LYPD6: variants seen among roughly 807,000 people sequenced by gnomAD.
LYPD6 encodes LY6/PLAUR domain containing 6, also known as ly6/PLAUR domain-containing protein 6.
Under a neutral mutation model 22.7 loss-of-function variants are expected in LYPD6, and 15 were observed. The observed-to-expected ratio is 0.66, with a 90% CI of 0.44 to 1.02. The LOEUF (loss-of-function observed/expected upper bound fraction) is 1.02. Among genes scored for constraint, LYPD6 ranks in the 50% least tolerant of loss-of-function variants. The pLI is 0.00. For missense variants in LYPD6, 189 were observed against 208.4 expected, an observed-to-expected ratio of 0.91 and a Z score of 0.57; for synonymous variants, 72 against 77.5, an observed-to-expected ratio of 0.93 and a Z score of 0.37.
intron 1 of LYPD6, among the ~76,000 whole-genome samples, chr2:149,398,505 TCC>T (rs1682477846): frequency 6.6e-6 from 1 of 151,928 alleles, no homozygotes; most frequent in South Asian, 2.1e-4. Flanking sequence ...CTGAAAGTGT[TCC>T]CAGCAGATTT....
chr2:149,420,979 G>A (rs573372905), intron 1 of LYPD6, among the ~76,000 whole-genome samples: 2 of 152,286 alleles, frequency 1.3e-5, no homozygotes, highest in East Asian at 1.9e-4. Context: ...TGTCAAGGTC[G>A]CATCCCATAG....
chr2:149,469,312 C>T (rs1681279117), intron 4 of LYPD6, among the ~76,000 whole-genome samples: 3 of 152,174 alleles, frequency 2.0e-5, no homozygotes, highest in Admixed American at 2.0e-4. Flanking sequence ...TATACGGAAA[C>T]ACATGGTGCC....
chr2:149,338,612 C>G (rs2105046623), intron 1 of LYPD6, among the ~76,000 whole-genome samples: 1 of 152,264 alleles, frequency 6.6e-6, no homozygotes, highest in South Asian at 2.1e-4. Context: ...AGAGAATGAG[C>G]CCTCACCAGA....
chr2:149,347,683 G>A (rs1681282670), intron 1 of LYPD6, among the ~76,000 whole-genome samples: 1 of 152,132 alleles, frequency 6.6e-6, no homozygotes, highest in East Asian at 1.9e-4. Flanking sequence ...CAGCACTTAA[G>A]AAACTATCTC....
intron 1 of LYPD6, among the ~76,000 whole-genome samples, 157 bp from the exon 2 acceptor site, chr2:149,437,481 T>C (rs1481115175): frequency 1.3e-5 from 2 of 152,172 alleles, no homozygotes; most frequent in Admixed American, 1.3e-4. Flanking sequence ...ATGTTCTCAG[T>C]GCTCTAAAAT....
chr2:149,361,065 G>A (rs998849932), intron 1 of LYPD6, among the ~76,000 whole-genome samples: 1 of 152,182 alleles, frequency 6.6e-6, no homozygotes, highest in Admixed American at 6.5e-5. Flanking sequence ...AGAAAAACAA[G>A]TTTATTAACA....
intron 2 of LYPD6, among the ~76,000 whole-genome samples, chr2:149,447,759 A>C (rs1683719973): frequency 6.6e-6 from 1 of 152,244 alleles, no homozygotes; most frequent in Non-Finnish European, 1.5e-5. Flanking sequence ...AGTTGACATG[A>C]GTAAGTTATT....
intron 1 of LYPD6, among the ~76,000 whole-genome samples, chr2:149,434,048 A>G (rs1683379181): frequency 6.6e-6 from 1 of 152,140 alleles, no homozygotes; most frequent in African/African-American, 2.4e-5. Flanking sequence ...TACATGTGCC[A>G]TGGTGGTTTG....
At chr2:149,462,559 A>G (rs1681110318) in intron 3 of LYPD6, among the ~76,000 whole-genome samples, 1 of 151,890 alleles carries the variant, frequency 6.6e-6, no homozygotes, top group African/African-American at 2.4e-5. Context: ...GATATAGACA[A>G]AAGTGTTCTA....
At chr2:149,435,073 C>T (rs1211942145) in intron 1 of LYPD6, among the ~76,000 whole-genome samples, 2 of 152,132 alleles carry the variant, frequency 1.3e-5, no homozygotes, top group African/African-American at 4.8e-5. Flanking sequence ...AAGCTGAGAC[C>T]CTAATCCAAT....
At chr2:149,378,529 TAAC>T (rs1681984641) in intron 1 of LYPD6, among the ~76,000 whole-genome samples, 3 of 152,244 alleles carry the variant, frequency 2.0e-5, no homozygotes, top group South Asian at 2.1e-4. Context: ...ATTAATTTAT[TAAC>T]AAATATTTTT....
Position 149,470,218 on chromosome 2 carries a change from T to C in LYPD6, c.349-465T>C, listed in dbSNP as rs142242819. On this transcript the variant is annotated intron_variant, in intron 4 of 4. Transcript: ENST00000334166. Reference sequence around the variant, plus strand: ...CACCCAATGAGAATGGAGACACTTATGCAAACAGTTCTGTGAAAGTCAGTA... The same window carrying C: ...CACCCAATGAGAATGGAGACACTTACGCAAACAGTTCTGTGAAAGTCAGTA... 9.6e-3 allele frequency among the ~76,000 whole-genome samples: 1,463 copies of C among 152,306 alleles called. 25 individuals carry two copies. The highest frequency in any genetic ancestry group is 0.033 in the African/African-American group (1,385 of 41,578).
intron 1 of LYPD6, among the ~76,000 whole-genome samples, chr2:149,392,917 C>T (rs1426137257): frequency 6.6e-6 from 1 of 152,100 alleles, no homozygotes; most frequent in Non-Finnish European, 1.5e-5. Context: ...GTTCCAGCTA[C>T]TTGGGAGGCT....
intron 1 of LYPD6, among the ~76,000 whole-genome samples, chr2:149,398,158 GGA>G (rs1000782225): frequency 6.6e-6 from 1 of 152,136 alleles, no homozygotes; most frequent in Admixed American, 6.5e-5. Flanking sequence ...ACCTGGTACT[GGA>G]CGAGCTCTTT....
intron 3 of LYPD6, among the ~76,000 whole-genome samples, chr2:149,462,215 G>A (rs1251719025): frequency 5.9e-5 from 9 of 151,882 alleles, no homozygotes; most frequent in Non-Finnish European, 8.8e-5. Flanking sequence ...ACGATAAATT[G>A]AGAACTCAAT....
chr2:149,392,533 CT>C (rs1452799917), intron 1 of LYPD6, among the ~76,000 whole-genome samples: 1 of 152,196 alleles, frequency 6.6e-6, no homozygotes, highest in African/African-American at 2.4e-5. Context: ...ACCAGTCCCC[CT>C]GAGGACCAGG....
At chr2:149,468,252 C>T (rs13388991) in intron 3 of LYPD6, among the ~76,000 whole-genome samples, 1,701 of 150,116 alleles carry the variant, frequency 0.011, 33 homozygotes, top group African/African-American at 0.039. Flanking sequence ...TCATTTTAAC[C>T]CTGAGTTCTT....
chr2:149,346,858 G>A (rs543628056), intron 1 of LYPD6, among the ~76,000 whole-genome samples: 3 of 152,168 alleles, frequency 2.0e-5, no homozygotes, highest in South Asian at 4.2e-4. Flanking sequence ...GTGCCACCAC[G>A]CCCAGCTAAT....
At chr2:149,424,311 T>C (rs1339725319) in intron 1 of LYPD6, among the ~76,000 whole-genome samples, 1 of 152,204 alleles carries the variant, frequency 6.6e-6, no homozygotes, top group Non-Finnish European at 1.5e-5. Flanking sequence ...GTAAAAAGTA[T>C]GTCATCTTAA....
Sources: allele counts gnomAD v4.1 joint callset (sites outside exome capture counted in the v4.1 genomes callset), GRCh38; gene constraint gnomAD v4.1.1; transcripts MANE v1.5; gene names NCBI Gene and HGNC (gene_info 2026-07-23, HGNC 2026-07-21).